PDXDC1: variants seen among roughly 807,000 people sequenced by gnomAD.
The protein encoded by PDXDC1 is pyridoxal-dependent decarboxylase domain-containing protein 1.
In PDXDC1, 42 loss-of-function variants were observed where a neutral mutation model predicts 100.1. The observed-to-expected ratio is 0.42, with a 90% CI of 0.33 to 0.54. The LOEUF (loss-of-function observed/expected upper bound fraction) is 0.54, where lower values mean the gene tolerates loss of function less well. Ranked by LOEUF, PDXDC1 falls within the 20% of genes least tolerant of loss-of-function variation. PDXDC1 has a pLI of 0.10. For missense variants in PDXDC1, 636 were observed against 979.2 expected (o/e 0.65, Z 4.68); for synonymous variants, 260 against 371.7 (o/e 0.70, Z 3.46).
chr16:15,072,245 CAA>C (rs55852324), intron 16 of PDXDC1, among the ~76,000 whole-genome samples: 8,260 of 133,424 alleles, frequency 0.062, 351 homozygotes, highest in African/African-American at 0.13. Flanking sequence ...TTTCCCCCAC[CAA>C]AAAAAAAAAA....
At chr16:15,055,512 G>A (rs1222063930) in intron 16 of PDXDC1, among the ~76,000 whole-genome samples, 1 of 152,252 alleles carries the variant, frequency 6.6e-6, no homozygotes, top group East Asian at 1.9e-4. Flanking sequence ...GTTCACCGCA[G>A]GCTGCGGGTC....
chr16:15,082,299 T>C (rs1279092170), intron 16 of PDXDC1, among the ~76,000 whole-genome samples: 3 of 152,232 alleles, frequency 2.0e-5, no homozygotes, highest in Non-Finnish European at 4.4e-5. Flanking sequence ...CACACACTTC[T>C]GCATCTACTG....
At chr16:15,145,553 G>C in the PDXDC1 span, among the ~76,000 whole-genome samples, 1 of 152,254 alleles carries the variant, frequency 6.6e-6, no homozygotes, top group African/African-American at 2.4e-5. Flanking sequence ...CTAAGGTCAG[G>C]AACGCCAGGC....
chr16:15,072,066 G>C (rs2045255962), intron 16 of PDXDC1, among the ~76,000 whole-genome samples: 1 of 152,088 alleles, frequency 6.6e-6, no homozygotes, highest in Non-Finnish European at 1.5e-5. Context: ...AACAGACACA[G>C]CTTCTCACCA....
intron 3 of PDXDC1, among the ~76,000 whole-genome samples, chr16:14,998,739 G>A (rs1403496311): frequency 3.9e-5 from 6 of 152,282 alleles, no homozygotes; most frequent in Non-Finnish European, 8.8e-5. Context: ...ACAGGTGTGA[G>A]CCACTGTGCC....
chr16:15,127,291 CT>C (rs2047788600), intron 16 of PDXDC1: 1 of 607,336 alleles, frequency 1.6e-6, no homozygotes, highest in South Asian at 1.5e-5. Context: ...GCTTCTGAGT[CT>C]TCTCTCTTTC....
intron 13 of PDXDC1, 37 bp downstream of exon 13, chr16:15,022,791 CTTT>C: frequency 2.0e-6 from 3 of 1,528,082 alleles, no homozygotes. Flanking sequence ...CAAAATATAA[CTTT>C]TTTTGAACCT....
downstream of PDXDC1, among the ~76,000 whole-genome samples, chr16:15,140,579 G>A (rs1051955664): frequency 6.6e-6 from 1 of 152,084 alleles, no homozygotes; most frequent in Non-Finnish European, 1.5e-5. Flanking sequence ...CCATGGGAAA[G>A]ACATCCCATG....
intron 16 of PDXDC1, among the ~76,000 whole-genome samples, chr16:15,129,059 C>G (rs2047914553): frequency 6.6e-6 from 1 of 151,714 alleles, no homozygotes; most frequent in Non-Finnish European, 1.5e-5. Context: ...CCTGCCTCGG[C>G]CTCCCAAAGT....
At chr16:15,143,933 G>A (rs371875938), downstream of PDXDC1, among the ~76,000 whole-genome samples, 9 of 152,256 alleles carry the variant, frequency 5.9e-5, no homozygotes, top group East Asian at 3.9e-4. Context: ...TGCCAGGCCC[G>A]GCACCCCTGC....
At chr16:15,054,883 T>TGTTTC (rs969585112) in intron 16 of PDXDC1, among the ~76,000 whole-genome samples, 7 of 152,310 alleles carry the variant, frequency 4.6e-5, no homozygotes, top group Admixed American at 4.6e-4. Context: ...CTGTGACAGA[T>TGTTTC]GAAACCTCTA....
chr16:15,061,683 T>G, intron 16 of PDXDC1: 2 of 1,518,584 alleles, frequency 1.3e-6, no homozygotes, highest in South Asian at 2.4e-5. Flanking sequence ...AGCTGGGTGC[T>G]GAGGGCATGA....
At chr16:14,998,485 C>A in intron 3 of PDXDC1, 80 bp downstream of exon 3, 1 of 1,492,814 alleles carries the variant, frequency 6.7e-7, no homozygotes, top group Non-Finnish European at 9.2e-7. Context: ...TGCTCTGTTG[C>A]CCAGGATGGT....
At chr16:15,023,586 G>A (rs1319497454) in intron 13 of PDXDC1, among the ~76,000 whole-genome samples, 3 of 152,300 alleles carry the variant, frequency 2.0e-5, no homozygotes, top group Non-Finnish European at 4.4e-5. Flanking sequence ...TTGAACCCGG[G>A]AGGCGGAGGT....
chr16:15,013,819 G>A (rs1216246954), intron 8 of PDXDC1, among the ~76,000 whole-genome samples: 1 of 149,922 alleles, frequency 6.7e-6, no homozygotes, highest in African/African-American at 2.5e-5. Flanking sequence ...AGGTTGCAGT[G>A]AGCCAAGATC....
chr16:15,103,653 A>G (rs2046649338), intron 16 of PDXDC1, among the ~76,000 whole-genome samples: 1 of 137,658 alleles, frequency 7.3e-6, no homozygotes, highest in Non-Finnish European at 1.6e-5. Context: ...ACAGGCATGC[A>G]CCATCACGCC....
the PDXDC1 span, among the ~76,000 whole-genome samples, chr16:15,145,476 G>T: frequency 6.6e-6 from 1 of 152,266 alleles, no homozygotes; most frequent in Admixed American, 6.5e-5. Context: ...TTCCGCCTCT[G>T]CCTGGGCACA....
chr16:15,087,869 C>G (rs1029800238), intron 16 of PDXDC1, among the ~76,000 whole-genome samples: 2 of 152,078 alleles, frequency 1.3e-5, no homozygotes, highest in Non-Finnish European at 2.9e-5. Flanking sequence ...AATCCCAACA[C>G]TTTGGGAGGC....
intron 16 of PDXDC1, among the ~76,000 whole-genome samples, chr16:15,066,939 GT>G (rs1294555916): frequency 1.6e-4 from 25 of 151,880 alleles, no homozygotes; most frequent in African/African-American, 5.8e-4. Context: ...GGACCAGATG[GT>G]TCACAAATGC....
Sources: allele counts gnomAD v4.1 joint callset (sites outside exome capture counted in the v4.1 genomes callset), GRCh38; gene constraint gnomAD v4.1.1; transcripts MANE v1.5; gene names NCBI Gene and HGNC (gene_info 2026-07-23, HGNC 2026-07-21).